The following NRF1 variants were observed in gnomAD, a reference collection of about 807,000 sequenced individuals.
The protein encoded by NRF1 is nuclear respiratory factor 1.
Under a neutral mutation model 58.5 loss-of-function variants are expected in NRF1, and 5 were observed. The ratio of observed to expected loss-of-function variants is 0.09; its 90% CI spans 0.04 to 0.18. The LOEUF is 0.18. Ranked by LOEUF, NRF1 falls within the 10% of genes least tolerant of loss-of-function variation. The probability of loss-of-function intolerance (pLI) is 1.00; values close to 1 mark genes in which losing one functional copy is unlikely to be tolerated. For synonymous variants in NRF1, 224 were observed against 246.7 expected (o/e 0.91, Z 0.86); for missense variants, 288 against 657.7 (o/e 0.44, Z 6.15).
At chr7:129,683,306 T>TGAGAGA (rs1293702751) in intron 4 of NRF1, among the ~76,000 whole-genome samples, 11 of 142,464 alleles carry the variant, frequency 7.7e-5, no homozygotes, top group African/African-American at 1.9e-4. Context: ...TGTGTGTGTG[T>TGAGAGA]GTGTGTGTGT....
chr7:129,686,121 A>C (rs935025226), intron 4 of NRF1, among the ~76,000 whole-genome samples: 1 of 149,664 alleles, frequency 6.7e-6, no homozygotes, highest in Non-Finnish European at 1.5e-5. Flanking sequence ...AAAAAAAAAA[A>C]GGTCTTTAGA....
At chr7:129,736,542 C>G (rs1250158264) in intron 10 of NRF1, among the ~76,000 whole-genome samples, 2 of 152,046 alleles carry the variant, frequency 1.3e-5, no homozygotes, top group African/African-American at 4.8e-5. Flanking sequence ...GCCATCACGC[C>G]CAGCCCAATA....
At chr7:129,613,668 C>CG (rs891779060) in intron 1 of NRF1, among the ~76,000 whole-genome samples, 6 of 151,778 alleles carry the variant, frequency 4.0e-5, no homozygotes, top group Admixed American at 2.0e-4. Context: ...GAGGCCGAGG[C>CG]GGGGTGGATC....
intron 10 of NRF1, among the ~76,000 whole-genome samples, chr7:129,739,257 T>TA (rs1224759240): frequency 6.6e-6 from 1 of 152,254 alleles, no homozygotes; most frequent in Non-Finnish European, 1.5e-5. Context: ...AATAGCCACA[T>TA]ACGCCCTGAG....
At chr7:129,612,411 G>A (rs998555632) in intron 1 of NRF1, among the ~76,000 whole-genome samples, 1 of 152,224 alleles carries the variant, frequency 6.6e-6, no homozygotes, top group Non-Finnish European at 1.5e-5. Context: ...TCCTGCCGGG[G>A]TGGCGTGGGC....
intron 10 of NRF1, among the ~76,000 whole-genome samples, chr7:129,746,042 G>A (rs911618755): frequency 3.9e-5 from 6 of 152,168 alleles, no homozygotes; most frequent in African/African-American, 1.4e-4. Flanking sequence ...AAAACTCTTT[G>A]AGTGCTGAAA....
intron 1 of NRF1, among the ~76,000 whole-genome samples, chr7:129,642,334 A>G (rs999190417): frequency 6.6e-6 from 1 of 152,220 alleles, no homozygotes; most frequent in Non-Finnish European, 1.5e-5. Context: ...AGAGATATTT[A>G]TTGAATACTA....
intron 1 of NRF1, among the ~76,000 whole-genome samples, chr7:129,621,826 G>A (rs866726979): frequency 6.1e-5 from 9 of 147,622 alleles, no homozygotes; most frequent in Middle Eastern, 3.6e-3. Flanking sequence ...TCTGTCGCCC[G>A]GGCTGGAGTG....
chr7:129,711,691 C>CT, intron 8 of NRF1, 115 bp downstream of exon 8: 1 of 748,630 alleles, frequency 1.3e-6, no homozygotes. Flanking sequence ...TCATTTAAAC[C>CT]TTTTAAAGAG....
intron 7 of NRF1, 103 bp downstream of exon 7, chr7:129,710,674 A>C: frequency 2.9e-6 from 2 of 700,828 alleles, no homozygotes; most frequent in Non-Finnish European, 5.2e-6. Context: ...TCTTGTATGA[A>C]CTTTATATAG....
intron 1 of NRF1, among the ~76,000 whole-genome samples, chr7:129,626,640 C>T (rs1800925924): frequency 6.6e-6 from 1 of 152,200 alleles, no homozygotes; most frequent in South Asian, 2.1e-4. Flanking sequence ...CTTAAAGGAG[C>T]ATTTAAACTT....
chr7:129,618,906 T>G (rs1359872834), intron 1 of NRF1, among the ~76,000 whole-genome samples: 1 of 152,160 alleles, frequency 6.6e-6, no homozygotes, highest in Non-Finnish European at 1.5e-5. Context: ...TTTTAAATAA[T>G]TTTGTGCAGG....
chr7:129,619,482 G>GTATA (rs770017147), intron 1 of NRF1, among the ~76,000 whole-genome samples: 4 of 31,162 alleles, frequency 1.3e-4, no homozygotes, highest in Non-Finnish European at 1.7e-4. Context: ...GTGTGTGTGT[G>GTATA]TGTGTGTGTA....
intron 8 of NRF1, among the ~76,000 whole-genome samples, chr7:129,712,038 C>A (rs963685844): frequency 2.4e-4 from 37 of 152,242 alleles, no homozygotes; most frequent in Admixed American, 5.2e-4. Flanking sequence ...GAGAATTCTT[C>A]CTTACCAAAA....
chr7:129,739,040 GT>G (rs1227758262), intron 10 of NRF1, among the ~76,000 whole-genome samples: 3 of 152,202 alleles, frequency 2.0e-5, no homozygotes, highest in African/African-American at 7.2e-5. Flanking sequence ...TGGCAGCTAT[GT>G]TTTACTCACT....
chr7:129,693,137 A>G (rs1215814460), intron 5 of NRF1, among the ~76,000 whole-genome samples: 1 of 152,218 alleles, frequency 6.6e-6, no homozygotes, highest in Non-Finnish European at 1.5e-5. Context: ...AAATAATAGT[A>G]TCTGTTCAGT....
At chr7:129,751,035 G>A (rs879338425) in intron 10 of NRF1, among the ~76,000 whole-genome samples, 2 of 152,192 alleles carry the variant, frequency 1.3e-5, no homozygotes, top group Non-Finnish European at 2.9e-5. Flanking sequence ...CAAGACATAC[G>A]AGCAGTGAGG....
rs770772561 is a variant in NRF1 at position 129,692,589 on chromosome 7, A to AATTT, written c.606+2057_606+2060dup. Reference sequence around the variant, plus strand: ...TGAATAATGAATGAATGAATGAATAAATTTATTTATTTATTTAATTCAGGC... The same window carrying AATTT: ...TGAATAATGAATGAATGAATGAATAAATTTATTTATTTATTTATTTAATTCAGGC... On this transcript the variant is annotated intron_variant, in intron 5 of 10. Coordinates refer to ENST00000393232, the MANE Select transcript of NRF1 (RefSeq NM_005011.5). Among the ~76,000 whole-genome samples the AATTT allele has an allele frequency of 6.6e-5, 10 of 152,148 alleles. No homozygotes were observed. The South Asian group carries it at 1.9e-3, about 28-fold the overall frequency.
At chr7:129,739,905 A>G (rs1257777326) in intron 10 of NRF1, among the ~76,000 whole-genome samples, 2 of 152,194 alleles carry the variant, frequency 1.3e-5, no homozygotes, top group Non-Finnish European at 2.9e-5. Flanking sequence ...TCCAGATTTC[A>G]CAGTGAAACA....
Sources: allele counts gnomAD v4.1 joint callset (sites outside exome capture counted in the v4.1 genomes callset), GRCh38; gene constraint gnomAD v4.1.1; transcripts MANE v1.5; gene names NCBI Gene and HGNC (gene_info 2026-07-23, HGNC 2026-07-21).